DBF4: variants seen among roughly 807,000 people sequenced by gnomAD.
The protein encoded by DBF4 is protein DBF4 homolog A.
A neutral mutation model predicts 76.6 loss-of-function variants in DBF4; 25 were observed. That is an observed-to-expected ratio of 0.33 (90% CI 0.24 to 0.46). The LOEUF (loss-of-function observed/expected upper bound fraction) is 0.46. Ranked by LOEUF, DBF4 falls within the 20% of genes least tolerant of loss-of-function variation. The pLI, the probability that DBF4 is intolerant of heterozygous loss-of-function variation, is 1.00. For synonymous variants in DBF4, 213 were observed against 258.0 expected, an observed-to-expected ratio of 0.83 and a Z score of 1.67; for missense variants, 638 against 760.8, an observed-to-expected ratio of 0.84 and a Z score of 1.90.
intron 1 of DBF4, among the ~76,000 whole-genome samples, chr7:87,877,623 C>G (rs1839100653): frequency 6.6e-6 from 1 of 152,100 alleles, no homozygotes; most frequent in South Asian, 2.1e-4. Flanking sequence ...AGTCTGAAAC[C>G]CTTGAGGACT....
Position 87,876,655 on chromosome 7 carries a change from C to A in DBF4, c.-78C>A. On this transcript the variant is annotated 5_prime_UTR_variant, in exon 1 of 12. Transcript: ENST00000265728. ...GAGAGGCGGCCGTCCTGTCAACAGGCCGGGGGAAGCCGTGCTTTCGCGGCT... is the reference window on the plus strand; with the variant it reads ...GAGAGGCGGCCGTCCTGTCAACAGGACGGGGGAAGCCGTGCTTTCGCGGCT... 3 of 1,528,214 alleles carry A rather than the reference C, an allele frequency of 2.0e-6. No individual in the cohort carries two copies. Among genetic ancestry groups the A allele is most frequent in the Non-Finnish European group, 2.7e-6 (3 of 1,113,870 alleles). The allele number at this position is 1,528,214 out of a possible 1,614,324, so 94.7% of individuals were successfully genotyped here.
chr7:87,900,167 C>T, intron 8 of DBF4, 54 bp from the exon 9 acceptor site: 2 of 1,414,870 alleles, frequency 1.4e-6, no homozygotes, highest in Non-Finnish European at 9.7e-7. Flanking sequence ...AAACTTTAAA[C>T]CTTTTTTCTT....
At chr7:87,904,102 G>T (rs1446970035) in intron 10 of DBF4, among the ~76,000 whole-genome samples, 190 bp from the exon 11 acceptor site, 1 of 152,152 alleles carries the variant, frequency 6.6e-6, no homozygotes, top group Non-Finnish European at 1.5e-5. Flanking sequence ...AGTTTTACTG[G>T]CTTCTCAAAA....
intron 5 of DBF4, 40 bp from the exon 6 acceptor site, chr7:87,887,943 T>C (rs762651068): frequency 1.4e-6 from 2 of 1,479,244 alleles, no homozygotes; most frequent in South Asian, 2.6e-5. Flanking sequence ...ACTCCAAGAG[T>C]AAAATTGCTA....
intron 6 of DBF4, among the ~76,000 whole-genome samples, chr7:87,893,402 C>T (rs530198711): frequency 8.3e-4 from 126 of 151,570 alleles, no homozygotes; most frequent in African/African-American, 2.9e-3. Flanking sequence ...CCCGCCACCG[C>T]GCCCGGCTAA....
rs760176510 is a variant in DBF4 at position 87,907,172 on chromosome 7, T to A, written c.1050-16T>A. ...AGCAATTATTTTAATATTTTTCTTCTATTTTTCCTACAAAGAATAAAATAC... is the reference window on the plus strand; with the variant it reads ...AGCAATTATTTTAATATTTTTCTTCAATTTTTCCTACAAAGAATAAAATAC... On this transcript the variant is annotated splice_polypyrimidine_tract_variant and intron_variant, in intron 11 of 11. Coordinates refer to ENST00000265728, the MANE Select transcript of DBF4 (RefSeq NM_006716.4). The A allele has an allele frequency of 6.6e-7, 1 of 1,523,224 alleles. No homozygotes were observed. The highest frequency in any genetic ancestry group is 1.4e-5 in the African/African-American group (1 of 71,524). 94.4% of individuals were successfully genotyped at this position (1,523,224 alleles called of 1,614,324 possible).
At position 87,886,901 on chromosome 7, in the gene DBF4, A is replaced by G. The variant is rs1385062328; in HGVS notation, c.450+7A>G. The G allele has an allele frequency of 2.0e-6, 3 of 1,507,840 alleles. No individual in the cohort carries two copies. Among genetic ancestry groups the G allele is most frequent in the Non-Finnish European group, 2.7e-6 (3 of 1,098,242 alleles). The allele number at this position is 1,507,840 out of a possible 1,614,324, so 93.4% of individuals were successfully genotyped here. A position where few individuals can be genotyped will look rare whatever the true frequency, so the allele number is the denominator to read the frequency against. On this transcript the variant is annotated splice_region_variant and intron_variant, in intron 4 of 11. Transcript: ENST00000265728. ...AAAAGCTATCAAGGACCATGTAAGT[A>G]GGAACTATAAAGATTCACATTGTAC...
intron 8 of DBF4, among the ~76,000 whole-genome samples, chr7:87,897,807 C>G (rs1025688801): frequency 8.5e-5 from 13 of 152,148 alleles, no homozygotes; most frequent in South Asian, 4.1e-4. Context: ...TGGAGTCTTG[C>G]TCTGTCACCC....
chr7:87,896,881 T>C (rs1017355985), intron 7 of DBF4, among the ~76,000 whole-genome samples: 3 of 152,248 alleles, frequency 2.0e-5, no homozygotes, highest in African/African-American at 4.8e-5. Context: ...CTTTGAGATA[T>C]CTGCTCAAGC....
chr7:87,878,073 G>C lies in DBF4; in HGVS notation c.67G>C (p.Glu23Gln). The change falls in exon 2 of 12, where the codon GAA (glutamate) becomes CAA (glutamine). Residue 23 changes from glutamate to glutamine, a missense_variant. Coordinates refer to ENST00000265728, the MANE Select transcript of DBF4 (RefSeq NM_006716.4). Reference sequence around the variant, plus strand: ...AATAGGTGGAATCCAAGTCAAAAATGAAAAAAACAGACCATCTCTGAAATC... The same window carrying C: ...AATAGGTGGAATCCAAGTCAAAAATCAAAAAAACAGACCATCTCTGAAATC... ...HFQGGIQVKN[E>Q]KNRPSLKSLK... 6.2e-7 allele frequency: 1 copy of C among 1,602,028 alleles called. No individual in the cohort carries two copies. Among genetic ancestry groups the C allele is most frequent in the Non-Finnish European group, 8.5e-7 (1 of 1,176,796 alleles).
intron 9 of DBF4, 97 bp downstream of exon 9, chr7:87,900,446 T>C: frequency 7.4e-7 from 1 of 1,351,866 alleles, no homozygotes; most frequent in Non-Finnish European, 1.0e-6. Flanking sequence ...GCCATAATGG[T>C]TATTTGTGTT....
intron 2 of DBF4, chr7:87,878,429 G>A (rs527604007): frequency 4.1e-6 from 2 of 483,084 alleles, no homozygotes; most frequent in South Asian, 3.3e-5. Context: ...CTGATTAGCA[G>A]TCTAGTGTAA....
At chr7:87,882,715 A>C (rs1839247220) in intron 2 of DBF4, among the ~76,000 whole-genome samples, 1 of 152,182 alleles carries the variant, frequency 6.6e-6, no homozygotes, top group African/African-American at 2.4e-5. Flanking sequence ...GTACATGAAA[A>C]AATGTTCAAC....
At chr7:87,882,730 C>G (rs760261878) in intron 2 of DBF4, among the ~76,000 whole-genome samples, 2 of 152,296 alleles carry the variant, frequency 1.3e-5, no homozygotes, top group Middle Eastern at 3.4e-3. Flanking sequence ...TTCAACGTCA[C>G]TAATCATTAG....
chr7:87,908,445 C>A lies in DBF4; in HGVS notation c.*282C>A. ...AATTTGCTTTGTCACTGAAAACCAC[C>A]AGTGAAGTGCAATTTGGGGAATATC... On this transcript the variant is annotated 3_prime_UTR_variant, in exon 12 of 12. Transcript: ENST00000265728. The A allele has an allele frequency of 4.7e-6, 1 of 213,886 alleles. No individual in the cohort carries two copies. Among genetic ancestry groups the A allele is most frequent in the East Asian group, 1.0e-4 (1 of 9,802 alleles). 13.2% of individuals were successfully genotyped at this position (213,886 alleles called of 1,614,324 possible).
chr7:87,880,210 C>T (rs573842893), intron 2 of DBF4, among the ~76,000 whole-genome samples: 74 of 152,188 alleles, frequency 4.9e-4, no homozygotes, highest in Non-Finnish European at 9.7e-4. Context: ...CCGTCACCTT[C>T]TTTCTTCTAT....
chr7:87,907,199 G>A lies in DBF4; in HGVS notation c.1061G>A (p.Ser354Asn), dbSNP rs754016324. Reference sequence around the variant, plus strand: ...TTTTTCCTACAAAGAATAAAATACAGTGTTGGATCCCTTTCTCCTGTTTCT... The same window carrying A: ...TTTTTCCTACAAAGAATAAAATACAATGTTGGATCCCTTTCTCCTGTTTCT... Reference protein sequence around the residue: ...DTPKKKRIKYSVGSLSPVSAS... With the variant: ...DTPKKKRIKYNVGSLSPVSAS... The change falls in exon 12 of 12, where the codon AGT becomes AAT. Residue 354 changes from serine (S) to asparagine (N), a missense_variant. Transcript: ENST00000265728. 7.5e-6 allele frequency: 12 copies of A among 1,590,542 alleles called. No homozygotes were observed. In the South Asian group the frequency reaches 1.3e-4, roughly 17 times the overall value.
chr7:87,902,669 T>G (rs1839816747), intron 10 of DBF4, among the ~76,000 whole-genome samples: 1 of 152,164 alleles, frequency 6.6e-6, no homozygotes, highest in South Asian at 2.1e-4. Context: ...AAATAAAAGT[T>G]GGAAATTTTT....
chr7:87,878,515 C>A (rs1032475604), intron 2 of DBF4: 2 of 242,330 alleles, frequency 8.3e-6, no homozygotes, highest in African/African-American at 2.2e-5. Flanking sequence ...GGAATGTCCT[C>A]CAGATAACAG....
Sources: gnomAD v4.1 joint callset for allele counts (sites outside exome capture counted in the v4.1 genomes callset) on GRCh38, gnomAD v4.1.1 for gene constraint, MANE v1.5 for transcripts, NCBI Gene and HGNC (gene_info 2026-07-23, HGNC 2026-07-21) for gene names.